NAALADL2: variants seen among roughly 807,000 people sequenced by gnomAD.
NAALADL2 encodes the protein N-acetylated alpha-linked acidic dipeptidase like 2.
Under a neutral mutation model 87.2 loss-of-function variants are expected in NAALADL2, and 76 were observed. The observed-to-expected ratio is 0.87, with a 90% CI of 0.72 to 1.05. NAALADL2 has a LOEUF of 1.05. Among genes scored for constraint, NAALADL2 ranks in the 50% least tolerant of loss-of-function variants. The pLI, the probability that NAALADL2 is intolerant of heterozygous loss-of-function variation, is 0.00. For missense variants in NAALADL2, 1,089 were observed against 945.8 expected, an observed-to-expected ratio of 1.15 and a Z score of -1.99; for synonymous variants, 354 against 331.0, an observed-to-expected ratio of 1.07 and a Z score of -0.75.
chr3:174,679,869 G>A (rs896058477), intron 2 of NAALADL2, among the ~76,000 whole-genome samples: 1 of 152,014 alleles, frequency 6.6e-6, no homozygotes, highest in Non-Finnish European at 1.5e-5. Flanking sequence ...TAATCTCTTA[G>A]TACCTCTTTG....
chr3:174,742,720 A>G (rs777247291), intron 3 of NAALADL2, among the ~76,000 whole-genome samples: 7 of 151,716 alleles, frequency 4.6e-5, no homozygotes, highest in Non-Finnish European at 1.0e-4. Flanking sequence ...ATATAACAAT[A>G]TTTTAATGAT....
chr3:175,322,315 T>C (rs1417817331), intron 4 of NAALADL2, among the ~76,000 whole-genome samples: 7 of 135,194 alleles, frequency 5.2e-5, no homozygotes, highest in Admixed American at 7.6e-5. Context: ...ATCCCTTCCT[T>C]ACACCTTATA....
At chr3:175,081,367 C>A (rs1277712816) in intron 1 of NAALADL2, among the ~76,000 whole-genome samples, 1 of 152,122 alleles carries the variant, frequency 6.6e-6, no homozygotes, top group African/African-American at 2.4e-5. Flanking sequence ...TTTTGATGTT[C>A]ACTGGTATCT....
chr3:175,613,045 G>C (rs2149678355), intron 10 of NAALADL2, among the ~76,000 whole-genome samples: 1 of 152,124 alleles, frequency 6.6e-6, no homozygotes, highest in Admixed American at 6.5e-5. Context: ...TGAGACTTTG[G>C]CGTGTCTTTC....
At chr3:175,530,012 T>C (rs1262161843) in intron 9 of NAALADL2, among the ~76,000 whole-genome samples, 1 of 152,142 alleles carries the variant, frequency 6.6e-6, no homozygotes, top group Non-Finnish European at 1.5e-5. Context: ...TGCTGGCAAA[T>C]TGGGCACTCA....
intron 2 of NAALADL2, among the ~76,000 whole-genome samples, chr3:174,620,210 A>T (rs749815616): frequency 1.8e-4 from 28 of 152,150 alleles, no homozygotes; most frequent in Admixed American, 3.3e-4. Flanking sequence ...AGGCTCTGGG[A>T]ATATAAGGAT....
At chr3:175,757,215 C>A (rs775939667) in intron 13 of NAALADL2, among the ~76,000 whole-genome samples, 6 of 151,856 alleles carry the variant, frequency 4.0e-5, no homozygotes, top group Non-Finnish European at 5.9e-5. Flanking sequence ...AAGGTTATAA[C>A]TAGGACTAAG....
rs139247856 is a variant in NAALADL2 at position 175,591,760 on chromosome 3, C to T, written c.1800+15573C>T. Among the ~76,000 whole-genome samples, 936 of 135,012 alleles carry T rather than the reference C, an allele frequency of 6.9e-3. 13 individuals carry two copies. The highest frequency in any genetic ancestry group is 0.025 in the African/African-American group (879 of 35,676). The allele number at this position is 135,012 out of a possible 152,430, so 88.6% of individuals were successfully genotyped here. On this transcript the variant is annotated intron_variant, in intron 10 of 13. Transcript: ENST00000454872. ...TTCTAGAAATATATATTTATATATGCGCATGTGGTGTGTGTGTGTGTGTGT... is the reference window on the plus strand; with the variant it reads ...TTCTAGAAATATATATTTATATATGTGCATGTGGTGTGTGTGTGTGTGTGT...
chr3:174,767,019 C>T (rs1713887665), intron 3 of NAALADL2, among the ~76,000 whole-genome samples: 1 of 152,186 alleles, frequency 6.6e-6, no homozygotes, highest in Admixed American at 6.5e-5. Flanking sequence ...CATGGACAAC[C>T]TGTGCAGCCC....
intron 1 of NAALADL2, among the ~76,000 whole-genome samples, chr3:174,882,076 G>T (rs1373336968): frequency 6.6e-6 from 1 of 152,114 alleles, no homozygotes; most frequent in Non-Finnish European, 1.5e-5. Flanking sequence ...AGTCAGAAAA[G>T]AAACTTCTTT....
chr3:175,723,961 TCTC>T (rs760686463), intron 11 of NAALADL2, among the ~76,000 whole-genome samples: 1 of 152,226 alleles, frequency 6.6e-6, no homozygotes, highest in Non-Finnish European at 1.5e-5. Flanking sequence ...TAACCAGTGT[TCTC>T]CTATTAACCT....
At chr3:175,206,705 GAAAAAT>G (rs1740978031) in intron 2 of NAALADL2, among the ~76,000 whole-genome samples, 1 of 151,820 alleles carries the variant, frequency 6.6e-6, no homozygotes, top group African/African-American at 2.4e-5. Flanking sequence ...ATAACTTCTG[GAAAAAT>G]AAAAAAGAGC....
chr3:175,461,025 T>C (rs1355398271), intron 6 of NAALADL2, among the ~76,000 whole-genome samples: 5 of 152,162 alleles, frequency 3.3e-5, no homozygotes, highest in African/African-American at 1.2e-4. Flanking sequence ...TTTTACAGAG[T>C]GCTGACTGGT....
intron 2 of NAALADL2, among the ~76,000 whole-genome samples, chr3:174,572,480 C>T (rs1452727485): frequency 6.6e-6 from 1 of 151,860 alleles, no homozygotes; most frequent in Non-Finnish European, 1.5e-5. Flanking sequence ...CTGTTAGAAA[C>T]AAGACGAAGA....
chr3:175,611,697 G>A (rs945298573), intron 10 of NAALADL2, among the ~76,000 whole-genome samples: 1 of 152,008 alleles, frequency 6.6e-6, no homozygotes, highest in Non-Finnish European at 1.5e-5. Context: ...TCAACTAAAA[G>A]CATATTTTCT....
At chr3:174,563,418 A>C (rs1713866838) in intron 2 of NAALADL2, among the ~76,000 whole-genome samples, 1 of 151,728 alleles carries the variant, frequency 6.6e-6, no homozygotes, top group African/African-American at 2.4e-5. Context: ...ATAAACCATC[A>C]ATAACTATAA....
At chr3:174,799,059 A>G (rs1718486783) in intron 3 of NAALADL2, among the ~76,000 whole-genome samples, 1 of 151,420 alleles carries the variant, frequency 6.6e-6, no homozygotes, top group Non-Finnish European at 1.5e-5. Flanking sequence ...AATCTCAGTT[A>G]TTTGTGAGGC....
chr3:175,427,430 A>T (rs916284265), intron 5 of NAALADL2, among the ~76,000 whole-genome samples: 1 of 152,214 alleles, frequency 6.6e-6, no homozygotes, highest in Non-Finnish European at 1.5e-5. Context: ...TTTCTGAAAC[A>T]ATTATACAAT....
chr3:175,535,885 A>C (rs1451253181), intron 9 of NAALADL2, among the ~76,000 whole-genome samples: 1 of 152,204 alleles, frequency 6.6e-6, no homozygotes, highest in Non-Finnish European at 1.5e-5. Context: ...TGCTTTGTAT[A>C]TAGTATCTCA....
Sources: allele counts gnomAD v4.1 joint callset (sites outside exome capture counted in the v4.1 genomes callset), GRCh38; gene constraint gnomAD v4.1.1; transcripts MANE v1.5; gene names NCBI Gene and HGNC (gene_info 2026-07-23, HGNC 2026-07-21).